Variants in KPNA6 observed in about 807,000 individuals in gnomAD.
The protein encoded by KPNA6 is importin subunit alpha-7.
KPNA6 carries 9 observed loss-of-function variants against 72.0 expected under a neutral mutation model. The ratio of observed to expected loss-of-function variants is 0.13; its 90% CI spans 0.08 to 0.22. KPNA6 has a LOEUF of 0.22. Ranked by LOEUF, KPNA6 falls within the 10% of genes least tolerant of loss-of-function variation. The pLI is 1.00. For synonymous variants in KPNA6, 219 were observed against 242.1 expected, an observed-to-expected ratio of 0.90 and a Z score of 0.89; for missense variants, 374 against 655.7, an observed-to-expected ratio of 0.57 and a Z score of 4.69.
chr1:32,138,266 C>T (rs1458970213), intron 1 of KPNA6, among the ~76,000 whole-genome samples: 3 of 151,706 alleles, frequency 2.0e-5, no homozygotes, highest in Non-Finnish European at 4.4e-5. Context: ...GGAAGCTGGC[C>T]AGGCGCGGTG....
At chr1:32,135,053 G>A (rs1432696392) in intron 1 of KPNA6, among the ~76,000 whole-genome samples, 1 of 151,092 alleles carries the variant, frequency 6.6e-6, no homozygotes, top group Non-Finnish European at 1.5e-5. Context: ...CTACAGGCAC[G>A]TGCTACCACT....
chr1:32,118,243 A>G (rs767726763), intron 1 of KPNA6, among the ~76,000 whole-genome samples: 4 of 152,108 alleles, frequency 2.6e-5, no homozygotes, highest in South Asian at 2.1e-4. Flanking sequence ...GTTTTTCAAG[A>G]TATACTTTAA....
At chr1:32,155,600 G>A (rs1275722151) in intron 2 of KPNA6, among the ~76,000 whole-genome samples, 1 of 151,756 alleles carries the variant, frequency 6.6e-6, no homozygotes, top group Non-Finnish European at 1.5e-5. Flanking sequence ...CATAGTGCTG[G>A]GATTACAGGC....
chr1:32,117,411 A>T (rs1641346044), intron 1 of KPNA6, among the ~76,000 whole-genome samples: 1 of 151,626 alleles, frequency 6.6e-6, no homozygotes, highest in African/African-American at 2.4e-5. Flanking sequence ...TGACCTTGTG[A>T]TCCACCCGCC....
Position 32,159,565 on chromosome 1 carries a change from A to G in KPNA6, c.558+34A>G, listed in dbSNP as rs559618395. The G allele has an allele frequency of 3.6e-5, 58 of 1,600,062 alleles. No individual in the cohort carries two copies. The South Asian group carries it at 5.9e-4, about 16-fold the overall frequency. ...TAGATTTGGTGTGATTCTTTATAGT[A>G]CCTGTGGTATAATAAAAAATATATT... On this transcript the variant is annotated intron_variant, in intron 6 of 13. Coordinates refer to ENST00000373625, the MANE Select transcript of KPNA6 (RefSeq NM_012316.5).
At chr1:32,120,000 T>G (rs1641404298) in intron 1 of KPNA6, among the ~76,000 whole-genome samples, 1 of 151,390 alleles carries the variant, frequency 6.6e-6, no homozygotes, top group Non-Finnish European at 1.5e-5. Context: ...CCTCCCAAAG[T>G]GCTGGGATTA....
intron 6 of KPNA6, among the ~76,000 whole-genome samples, chr1:32,160,355 G>A (rs577983600): frequency 1.3e-5 from 2 of 151,894 alleles, no homozygotes; most frequent in South Asian, 2.1e-4. Flanking sequence ...TTTTCTGGGC[G>A]ATATTGTTTT....
chr1:32,135,872 C>T lies in KPNA6; in HGVS notation c.5-18716C>T, dbSNP rs1050944747. The stretch of plus-strand genomic sequence containing the variant: ...TACACCAAAAATCATACTAAATATA[C>T]TAAAAATGTATGAATTGTATGGTTT... On this transcript the variant is annotated intron_variant, in intron 1 of 13. Transcript: ENST00000373625. Among the ~76,000 whole-genome samples the T allele has an allele frequency of 2.0e-4, 30 of 151,314 alleles. 1 individual carries two copies.
At chr1:32,153,422 C>G (rs1465509026) in intron 1 of KPNA6, among the ~76,000 whole-genome samples, 1 of 151,152 alleles carries the variant, frequency 6.6e-6, no homozygotes, top group African/African-American at 2.4e-5. Flanking sequence ...AAAAATTAGC[C>G]GTATTAGGCG....
chr1:32,150,125 G>GTTT (rs1295389961), intron 1 of KPNA6, among the ~76,000 whole-genome samples: 2 of 119,608 alleles, frequency 1.7e-5, no homozygotes, highest in Admixed American at 8.6e-5. Flanking sequence ...AAAATTTTTA[G>GTTT]TCTTTTTTTT....
intron 1 of KPNA6, among the ~76,000 whole-genome samples, chr1:32,117,658 C>T (rs867210596): frequency 6.7e-4 from 102 of 152,204 alleles, no homozygotes; most frequent in African/African-American, 2.4e-3. Context: ...AAAAAACACA[C>T]AGTATCGGTG....
chr1:32,165,570 G>A (rs983858169), intron 10 of KPNA6, among the ~76,000 whole-genome samples: 3 of 152,090 alleles, frequency 2.0e-5, no homozygotes, highest in East Asian at 1.9e-4. Context: ...GTGGCACCCT[G>A]CTACTCAGGA....
intron 1 of KPNA6, among the ~76,000 whole-genome samples, chr1:32,128,387 TTATATATATATATATATATATATA>T (rs67312157): frequency 4.7e-4 from 34 of 72,170 alleles, no homozygotes; most frequent in East Asian, 3.9e-3. Context: ...ATATATGTAT[TTATATATATATATATATATATATA>T]TATATATATA....
At position 32,169,807 on chromosome 1, in the gene KPNA6, G is replaced by A; in HGVS notation, c.1245-75G>A. On this transcript the variant is annotated intron_variant, in intron 12 of 13. Coordinates refer to ENST00000373625, the MANE Select transcript of KPNA6 (RefSeq NM_012316.5). ...AATAAATTAGTAAGAGTGGGTTGCT[G>A]AGAGTTCAGAGCACCTGCCCAGCAC... is the stretch of plus-strand genomic sequence containing the variant. The A allele has an allele frequency of 2.3e-6, 3 of 1,327,382 alleles. No homozygotes were observed. In the South Asian group the frequency reaches 4.2e-5, roughly 19 times the overall value. 82.2% of individuals were successfully genotyped at this position (1,327,382 alleles called of 1,614,324 possible).
chr1:32,164,470 G>A (rs1570070347), intron 10 of KPNA6, among the ~76,000 whole-genome samples: 2 of 152,180 alleles, frequency 1.3e-5, no homozygotes, highest in African/African-American at 4.8e-5. Flanking sequence ...CTGCACAGCT[G>A]CTATGCCATC....
At chr1:32,111,152 G>A (rs1255107008) in intron 1 of KPNA6, among the ~76,000 whole-genome samples, 1 of 152,106 alleles carries the variant, frequency 6.6e-6, no homozygotes, top group Non-Finnish European at 1.5e-5. Flanking sequence ...CAGAAACACT[G>A]TTGCCTCAAA....
chr1:32,133,614 A>G (rs1037730738), intron 1 of KPNA6, among the ~76,000 whole-genome samples: 1 of 151,996 alleles, frequency 6.6e-6, no homozygotes, highest in East Asian at 1.9e-4. Context: ...TTGCCTCACA[A>G]GGTCTAGGCT....
chr1:32,139,339 G>A (rs1412366650), intron 1 of KPNA6, among the ~76,000 whole-genome samples: 3 of 152,116 alleles, frequency 2.0e-5, no homozygotes. Flanking sequence ...GCAATTCCAA[G>A]AGCTAAGGAA....
chr1:32,139,770 T>G (rs1222618714), intron 1 of KPNA6, among the ~76,000 whole-genome samples: 1 of 152,200 alleles, frequency 6.6e-6, no homozygotes, highest in Non-Finnish European at 1.5e-5. Flanking sequence ...TACTGAAATG[T>G]GGATGAAGTG....
Sources: gnomAD v4.1 joint callset for allele counts (sites outside exome capture counted in the v4.1 genomes callset) on GRCh38, gnomAD v4.1.1 for gene constraint, MANE v1.5 for transcripts, NCBI Gene and HGNC (gene_info 2026-07-23, HGNC 2026-07-21) for gene names.